The following ZFHX4 variants were observed in gnomAD, a reference collection of about 807,000 sequenced individuals.
ZFHX4 encodes the protein zinc finger homeobox protein 4.
In ZFHX4, 56 loss-of-function variants were observed where a neutral mutation model predicts 267.6. That is an observed-to-expected ratio of 0.21 (90% confidence interval 0.17 to 0.26). The LOEUF (loss-of-function observed/expected upper bound fraction) is 0.26. ZFHX4 is among the 10% of genes least tolerant of loss of function. The pLI, the probability that ZFHX4 is intolerant of heterozygous loss-of-function variation, is 1.00. For missense variants in ZFHX4, 4,332 were observed against 4,420.0 expected (o/e 0.98, Z 0.56); for synonymous variants, 1,778 against 1,665.6 (o/e 1.07, Z -1.64).
At chr8:76,800,717 T>A (rs1811097906) in intron 4 of ZFHX4, among the ~76,000 whole-genome samples, 1 of 152,206 alleles carries the variant, frequency 6.6e-6, no homozygotes, top group African/African-American at 2.4e-5. Context: ...TCACGCTTAA[T>A]AAGATGTACC....
intron 3 of ZFHX4, among the ~76,000 whole-genome samples, chr8:76,763,986 A>G (rs1270569880): frequency 6.6e-6 from 1 of 152,170 alleles, no homozygotes; most frequent in African/African-American, 2.4e-5. Context: ...CATAATCTTT[A>G]TCATTTATTT....
At chr8:76,779,320 A>G (rs961515928) in intron 4 of ZFHX4, among the ~76,000 whole-genome samples, 1 of 152,166 alleles carries the variant, frequency 6.6e-6, no homozygotes, top group African/African-American at 2.4e-5. Context: ...GTCAGGAGAC[A>G]TATTTACTCA....
At position 76,833,375 on chromosome 8, in the gene ZFHX4, T is replaced by A. The variant is rs1441740269; in HGVS notation, c.3363T>A (p.Asp1121Glu). 6.2e-7 allele frequency: 1 copy of A among 1,610,694 alleles called. No individual in the cohort carries two copies. Among genetic ancestry groups the A allele is most frequent in the Admixed American group, 1.7e-5 (1 of 59,638 alleles). Residue 1121 changes from aspartate to glutamate, a missense_variant, in exon 5 of 11, where the codon GAT becomes GAA. Coordinates refer to ENST00000651372, the MANE Select transcript of ZFHX4 (RefSeq NM_024721.5). ...TGGGAGCCAGGACTTGTGATGATGA[T>A]CTTACAGAGCAGCAGTTGAGATCGA... ...ASLGARTCDD[D>E]LTEQQLRSTS...
rs1196703882 is a variant in ZFHX4, at chr8:76,782,282, A to T, written c.3325+3843A>T. On this transcript the variant is annotated intron_variant, in intron 4 of 10. Coordinates refer to ENST00000651372, the MANE Select transcript of ZFHX4 (RefSeq NM_024721.5). The stretch of plus-strand genomic sequence containing the variant: ...GAGGTTTAGTTTTCTTGAAATGTAC[A>T]CTCTGTCTGGCTATGCTAGTACACA... 12 of 391,802 alleles carry T rather than the reference A, an allele frequency of 3.1e-5. No individual in the cohort carries two copies. In the East Asian group the frequency reaches 8.9e-4, roughly 29 times the overall value. The allele number at this position is 391,802 out of a possible 1,614,324, so 24.3% of individuals were successfully genotyped here.
At chr8:76,737,712 T>A (rs932949902) in intron 3 of ZFHX4, among the ~76,000 whole-genome samples, 2 of 152,214 alleles carry the variant, frequency 1.3e-5, no homozygotes, top group Admixed American at 6.5e-5. Flanking sequence ...TAATAAGTGA[T>A]AAAAATGGTA....
chr8:76,851,521 T>C lies in ZFHX4; in HGVS notation c.4600T>C (p.Phe1534Leu). ...AGGGCCCAATTTTACGATGGAAAAA[T>C]TCCTTGATCCATCTCGTCCATATAA... ...RKGPNFTMEK[F>L]LDPSRPYKCT... The change falls in exon 10 of 11, where the codon TTC becomes CTC. Residue 1534 changes from phenylalanine (F) to leucine (L), a missense_variant. Phe to Leu is a conservative substitution (Grantham distance 22). Coordinates refer to ENST00000651372, the MANE Select transcript of ZFHX4 (RefSeq NM_024721.5). 1 of 1,613,868 alleles carries C rather than the reference T, an allele frequency of 6.2e-7. No homozygotes were observed. Among genetic ancestry groups the C allele is most frequent in the Non-Finnish European group, 8.5e-7 (1 of 1,179,854 alleles).
intron 3 of ZFHX4, among the ~76,000 whole-genome samples, chr8:76,737,134 A>G (rs1248783655): frequency 6.6e-6 from 1 of 152,166 alleles, no homozygotes; most frequent in African/African-American, 2.4e-5. Context: ...TTCCCTATCT[A>G]CAATCACAGT....
chr8:76,708,265 G>C, intron 3 of ZFHX4: 2 of 581,446 alleles, frequency 3.4e-6, no homozygotes, highest in Non-Finnish European at 5.9e-6. Flanking sequence ...ACTTACACCT[G>C]TCTCAGTGGC....
chr8:76,727,098 G>A (rs11988369), intron 3 of ZFHX4, among the ~76,000 whole-genome samples: 4 of 152,050 alleles, frequency 2.6e-5, no homozygotes, highest in African/African-American at 9.7e-5. Flanking sequence ...TTTGATCTTA[G>A]GCCTATCCAA....
chr8:76,701,470 T>C (rs1808101330), intron 1 of ZFHX4, among the ~76,000 whole-genome samples: 1 of 152,174 alleles, frequency 6.6e-6, no homozygotes, highest in Non-Finnish European at 1.5e-5. Flanking sequence ...ATTTTTTATA[T>C]AGCAATAATG....
At chr8:76,756,726 G>C (rs1809773577) in intron 3 of ZFHX4, among the ~76,000 whole-genome samples, 1 of 151,772 alleles carries the variant, frequency 6.6e-6, no homozygotes. Context: ...TTTTCCCAGT[G>C]TCTTACCTTT....
chr8:76,731,674 A>T (rs1809014751), intron 3 of ZFHX4, among the ~76,000 whole-genome samples: 1 of 152,058 alleles, frequency 6.6e-6, no homozygotes, highest in Admixed American at 6.6e-5. Context: ...ATTGTTTCAC[A>T]CTTTCAGTAT....
chr8:76,833,989 GT>G (rs979370230), intron 5 of ZFHX4: 5 of 255,952 alleles, frequency 2.0e-5, no homozygotes, highest in Admixed American at 9.1e-5. Flanking sequence ...ACAGTATGTA[GT>G]TTTTTTTAGA....
intron 4 of ZFHX4, among the ~76,000 whole-genome samples, chr8:76,827,573 G>A (rs1227736793): frequency 1.3e-5 from 2 of 151,976 alleles, no homozygotes; most frequent in East Asian, 3.9e-4. Context: ...AATACAATAG[G>A]AATTAGTAAA....
In ZFHX4 at chr8:76,851,318, A is replaced by G; in HGVS notation, c.4397A>G (p.Asn1466Ser). Residue 1466 changes from asparagine to serine, a missense_variant, in exon 10 of 11, where the codon AAT becomes AGT. Transcript: ENST00000651372. ...LQQLYASLPV[N>S]GELWAESETM... ...CAGCTATATGCCTCCTTGCCCGTGA[A>G]TGGAGAACTGTGGGCAGAGAGCGAA... is the stretch of plus-strand genomic sequence containing the variant. The G allele has an allele frequency of 6.2e-7, 1 of 1,613,790 alleles. No individual in the cohort carries two copies. The highest frequency in any genetic ancestry group is 1.7e-5 in the Admixed American group (1 of 59,998).
intron 1 of ZFHX4, chr8:76,682,609 G>C (rs891178048): frequency 1.0e-4 from 16 of 152,472 alleles, no homozygotes; most frequent in African/African-American, 3.9e-4. Flanking sequence ...CGTTAGACCA[G>C]CGGATAGACG....
intron 4 of ZFHX4, among the ~76,000 whole-genome samples, chr8:76,804,521 T>C (rs1211537935): frequency 1.3e-5 from 2 of 152,054 alleles, no homozygotes; most frequent in Admixed American, 6.6e-5. Context: ...AGTCGACAAA[T>C]CTATATACTG....
intron 4 of ZFHX4, among the ~76,000 whole-genome samples, chr8:76,793,853 T>C (rs915848421): frequency 1.3e-5 from 2 of 152,106 alleles, no homozygotes; most frequent in Non-Finnish European, 2.9e-5. Context: ...AAAACAATAA[T>C]TAAGTAGACA....
chr8:76,749,910 T>C (rs1809569488), intron 3 of ZFHX4, among the ~76,000 whole-genome samples: 1 of 152,302 alleles, frequency 6.6e-6, no homozygotes, highest in South Asian at 2.1e-4. Context: ...AATTATATAT[T>C]CTTCCTCTAC....
Sources: allele counts gnomAD v4.1 joint callset (sites outside exome capture counted in the v4.1 genomes callset), GRCh38; gene constraint gnomAD v4.1.1; transcripts MANE v1.5; gene names NCBI Gene and HGNC (gene_info 2026-07-23, HGNC 2026-07-21).